Variants in CHN2 observed in about 807,000 individuals in gnomAD.
CHN2 encodes chimerin 2.
CHN2 carries 35 observed loss-of-function variants against 56.3 expected under a neutral mutation model. That is an observed-to-expected ratio of 0.62 (90% CI 0.47 to 0.82). The LOEUF (loss-of-function observed/expected upper bound fraction) is 0.82. CHN2 is among the 40% of genes least tolerant of loss of function. The pLI, the probability that CHN2 is intolerant of heterozygous loss-of-function variation, is 0.00. For synonymous variants in CHN2, 210 were observed against 212.8 expected (o/e 0.99, Z 0.12); for missense variants, 491 against 580.5 (o/e 0.85, Z 1.58).
At chr7:29,472,299 G>GCACACACACACACACACACGCACACA (rs59917710) in intron 6 of CHN2, among the ~76,000 whole-genome samples, 4 of 105,490 alleles carry the variant, frequency 3.8e-5, no homozygotes, top group African/African-American at 1.6e-4. Context: ...ACACACACAC[G>GCACACACACACACACACACGCACACA]CACACACACA....
upstream of CHN2, among the ~76,000 whole-genome samples, chr7:29,190,062 T>C (rs1165669403): frequency 2.0e-5 from 3 of 152,230 alleles, no homozygotes; most frequent in African/African-American, 7.2e-5. Context: ...GTGCACCTCC[T>C]GAGGAAACAG....
At chr7:29,437,547 G>A (rs1235438820) in intron 6 of CHN2, among the ~76,000 whole-genome samples, 25 of 139,666 alleles carry the variant, frequency 1.8e-4, no homozygotes, top group East Asian at 4.2e-4. Context: ...GCAGTGAGCC[G>A]AGATCGCGCC....
intron 6 of CHN2, among the ~76,000 whole-genome samples, chr7:29,432,964 C>G (rs2128116314): frequency 6.6e-6 from 1 of 152,316 alleles, no homozygotes; most frequent in East Asian, 1.9e-4. Flanking sequence ...AGCTCTGTAA[C>G]TCCTAGTGTA....
chr7:29,184,016 G>T (rs571248845), intron 2 of CHN2, among the ~76,000 whole-genome samples: 11 of 152,128 alleles, frequency 7.2e-5, no homozygotes, highest in African/African-American at 2.2e-4. Flanking sequence ...GCTATGCATA[G>T]GTTATCTGCA....
chr7:29,333,999 GAAAAGATTAAATACATCTC>G (rs929956109), intron 1 of CHN2, among the ~76,000 whole-genome samples: 1 of 150,394 alleles, frequency 6.6e-6, no homozygotes. Context: ...CTTGCTATAA[GAAAAGATTAAATACATCTC>G]AAAAGCCAAA....
intron 1 of CHN2, among the ~76,000 whole-genome samples, chr7:29,226,505 A>G (rs1786211801): frequency 6.6e-6 from 1 of 152,146 alleles, no homozygotes; most frequent in Non-Finnish European, 1.5e-5. Flanking sequence ...TATCCTATTT[A>G]TTTTCAGTGC....
chr7:29,244,267 G>C (rs1267203081), intron 1 of CHN2, among the ~76,000 whole-genome samples: 1 of 152,152 alleles, frequency 6.6e-6, no homozygotes, highest in Non-Finnish European at 1.5e-5. Context: ...AACAGATAGA[G>C]GTGGCCCTGG....
chr7:29,177,237 ATTTTGTTTTG>A (rs10535682), intron 2 of CHN2, among the ~76,000 whole-genome samples: 19,059 of 146,744 alleles, frequency 0.13, 1,482 homozygotes, highest in African/African-American at 0.22. Flanking sequence ...TTTTTGTTTT[ATTTTGTTTTG>A]TTTTGTTTTG....
At chr7:29,349,376 G>A (rs1217330318) in intron 1 of CHN2, among the ~76,000 whole-genome samples, 2 of 152,162 alleles carry the variant, frequency 1.3e-5, no homozygotes, top group Non-Finnish European at 2.9e-5. Flanking sequence ...TCATTGTATA[G>A]ATTTTAAAAA....
At chr7:29,244,448 G>A (rs776372252) in intron 1 of CHN2, among the ~76,000 whole-genome samples, 1 of 152,178 alleles carries the variant, frequency 6.6e-6, no homozygotes, top group African/African-American at 2.4e-5. Flanking sequence ...TTTGTCTTAA[G>A]GCAGCAAGGT....
chr7:29,505,303 TGAA>T (rs1364655452), intron 10 of CHN2, among the ~76,000 whole-genome samples: 1 of 152,220 alleles, frequency 6.6e-6, no homozygotes, highest in African/African-American at 2.4e-5. Flanking sequence ...GGACCCAACT[TGAA>T]GACTCATTCA....
intron 1 of CHN2, among the ~76,000 whole-genome samples, chr7:29,255,616 C>A (rs1789010708): frequency 6.6e-6 from 1 of 152,164 alleles, no homozygotes; most frequent in South Asian, 2.1e-4. Context: ...GACAACTGGG[C>A]AGTTAGTTGG....
Position 29,194,976 on chromosome 7 carries a change from C to T in CHN2, c.35C>T (p.Ser12Leu), listed in dbSNP as rs1355991326. The change falls in exon 1 of 13, where the codon TCG becomes TTG. Residue 12 changes from serine (S) to leucine (L), a missense_variant. Coordinates refer to ENST00000222792, the MANE Select transcript of CHN2 (RefSeq NM_004067.4). ...TCCAGCAACTCCAGCCTGTCCGGCT[C>T]GTCGGTGTCCTCCGGTGAGTTTCAG... is the stretch of plus-strand genomic sequence containing the variant. ...AASSNSSLSG[S>L]SVSSDAEEYQ... is the part of the protein sequence containing the mutation. 4 of 1,586,564 alleles carry T rather than the reference C, an allele frequency of 2.5e-6. No individual in the cohort carries two copies. The highest frequency in any genetic ancestry group is 3.4e-6 in the Non-Finnish European group (4 of 1,169,134).
chr7:29,490,268 T>A (rs1198710147), intron 7 of CHN2, among the ~76,000 whole-genome samples: 1 of 152,186 alleles, frequency 6.6e-6, no homozygotes. Flanking sequence ...CCCCACCTGC[T>A]CAATCTTTCC....
chr7:29,343,785 C>G (rs1253995018), intron 1 of CHN2, among the ~76,000 whole-genome samples: 3 of 151,966 alleles, frequency 2.0e-5, no homozygotes, highest in Non-Finnish European at 4.4e-5. Flanking sequence ...CCCCCTGTGT[C>G]ATGTCATCTA....
intron 2 of CHN2, among the ~76,000 whole-genome samples, chr7:29,178,067 C>CA (rs1381419632): frequency 1.3e-5 from 2 of 152,178 alleles, no homozygotes; most frequent in African/African-American, 4.8e-5. Context: ...ATTCCATCAT[C>CA]AGCAAGTGTT....
chr7:29,380,966 G>T (rs1005845221), intron 3 of CHN2, among the ~76,000 whole-genome samples: 4 of 152,152 alleles, frequency 2.6e-5, no homozygotes, highest in Non-Finnish European at 5.9e-5. Context: ...AATAATGGAA[G>T]CCTTATTCTG....
intron 1 of CHN2, among the ~76,000 whole-genome samples, chr7:29,218,522 T>C (rs572835187): frequency 0.02 from 2,974 of 152,194 alleles, 91 homozygotes; most frequent in African/African-American, 0.067. Context: ...ATAGCGGCAC[T>C]ATTCACAATA....
At chr7:29,340,627 C>T (rs543847450) in intron 1 of CHN2, among the ~76,000 whole-genome samples, 51 of 152,300 alleles carry the variant, frequency 3.3e-4, no homozygotes, top group Non-Finnish European at 5.6e-4. Flanking sequence ...AGTGCTCCTA[C>T]GGGCTGGCAC....
Sources: gnomAD v4.1 joint callset for allele counts (sites outside exome capture counted in the v4.1 genomes callset) on GRCh38, gnomAD v4.1.1 for gene constraint, MANE v1.5 for transcripts, NCBI Gene and HGNC (gene_info 2026-07-23, HGNC 2026-07-21) for gene names.